Variants in APOO observed in about 807,000 individuals in gnomAD.
APOO encodes MICOS complex subunit MIC26.
APOO carries 11 observed loss-of-function variants against 23.1 expected under a neutral mutation model. The observed-to-expected ratio is 0.48, with a 90% CI of 0.30 to 0.79. APOO has a LOEUF of 0.79. Among genes scored for constraint, APOO ranks in the 30% least tolerant of loss-of-function variants. APOO has a pLI of 0.07. For synonymous variants in APOO, 59 were observed against 54.8 expected, an observed-to-expected ratio of 1.08 and a Z score of -0.34; for missense variants, 160 against 142.7, an observed-to-expected ratio of 1.12 and a Z score of -0.62.
intron 7 of APOO, among the ~76,000 whole-genome samples, chrX:23,854,278 A>G (rs1022626274): frequency 1.2e-4 from 13 of 111,880 alleles, no homozygotes; most frequent in Non-Finnish European, 3.8e-5. Flanking sequence ...AGGCTCCCGC[A>G]GCCCTCACTT....
At position 23,879,038 on chromosome X, in the gene APOO, C is replaced by T. The variant is rs752197773; in HGVS notation, c.118-4G>A. On this transcript the variant is annotated splice_polypyrimidine_tract_variant and splice_region_variant and intron_variant, in intron 2 of 8. Transcript: ENST00000379226. ...CAGGAACTGAGTAGAGTGAAAGCTG[C>T]GCACATTAAAACAAAACAAAGATTT... is the stretch of plus-strand genomic sequence containing the variant. 63 of 1,204,323 alleles carry T rather than the reference C, an allele frequency of 5.2e-5. No individual in the cohort carries two copies. Among genetic ancestry groups the T allele is most frequent in the Non-Finnish European group, 6.5e-5 (58 of 891,088 alleles).
intron 5 of APOO, among the ~76,000 whole-genome samples, chrX:23,861,123 A>G (rs1339680265): frequency 9.0e-6 from 1 of 110,690 alleles, no homozygotes; most frequent in East Asian, 2.9e-4. Context: ...CTGGGTGATA[A>G]TTTGGATGTT....
intron 4 of APOO, among the ~76,000 whole-genome samples, chrX:23,873,723 A>T (rs1281563459): frequency 8.9e-6 from 1 of 112,005 alleles, no homozygotes; most frequent in African/African-American, 3.2e-5. Context: ...TGATCTTACC[A>T]AAGAAACTGT....
intron 7 of APOO, among the ~76,000 whole-genome samples, chrX:23,845,179 T>C (rs1924174477): frequency 1.8e-5 from 2 of 112,057 alleles, no homozygotes; most frequent in African/African-American, 6.5e-5. Context: ...TTATTCAGGA[T>C]TTCTAACTTT....
chrX:23,842,747 G>T (rs747235219), intron 7 of APOO, among the ~76,000 whole-genome samples: 1 of 111,971 alleles, frequency 8.9e-6, no homozygotes, highest in African/African-American at 3.2e-5. Context: ...GGTGGCTCAC[G>T]CCTGTAATCC....
At chrX:23,881,563 T>TAAAAAAA (rs60466764) in intron 1 of APOO, among the ~76,000 whole-genome samples, 5 of 9,176 alleles carry the variant, frequency 5.4e-4, no homozygotes, top group Non-Finnish European at 6.2e-4. Flanking sequence ...ATCGCTCCAC[T>TAAAAAAA]AAAAAAAAAA....
intron 1 of APOO, among the ~76,000 whole-genome samples, chrX:23,902,224 A>G (rs1437910984): frequency 1.8e-5 from 2 of 111,817 alleles, no homozygotes; most frequent in Admixed American, 9.6e-5. Context: ...TCGTTAACGG[A>G]CCTTTAATGT....
chrX:23,881,383 A>AT (rs1926117755), intron 1 of APOO, among the ~76,000 whole-genome samples: 1 of 107,371 alleles, frequency 9.3e-6, no homozygotes, highest in Non-Finnish European at 1.9e-5. Context: ...CCTACAAAAT[A>AT]TATTTTTTTA....
chrX:23,873,699 T>TCAATA (rs1283407457), intron 4 of APOO, among the ~76,000 whole-genome samples: 1 of 111,596 alleles, frequency 9.0e-6, no homozygotes, highest in Non-Finnish European at 1.9e-5. Flanking sequence ...TATCAGGACA[T>TCAATA]CAATACACCA....
intron 7 of APOO, 89 bp from the exon 8 acceptor site, chrX:23,840,466 A>G: frequency 1.2e-6 from 1 of 812,020 alleles, no homozygotes. Flanking sequence ...GAACATGAAC[A>G]TTAAAAATTA....
intron 1 of APOO, among the ~76,000 whole-genome samples, chrX:23,888,849 C>CAAAAA (rs11338273): frequency 4.8e-5 from 2 of 41,261 alleles, no homozygotes; most frequent in African/African-American, 9.7e-5. Context: ...GATTTCATCT[C>CAAAAA]AAAAAAAAAA....
At chrX:23,892,635 G>A (rs1003801749) in intron 1 of APOO, among the ~76,000 whole-genome samples, 4 of 108,060 alleles carry the variant, frequency 3.7e-5, no homozygotes, top group African/African-American at 1.3e-4. Context: ...GGGCATGGTG[G>A]CGGGCGCCTG....
intron 1 of APOO, among the ~76,000 whole-genome samples, chrX:23,901,118 A>T (rs959188949): frequency 8.9e-6 from 1 of 112,307 alleles, no homozygotes; most frequent in African/African-American, 3.2e-5. Flanking sequence ...TTTCAGGAAG[A>T]CAGGCAATGT....
chrX:23,888,638 G>C (rs1601933590), intron 1 of APOO, among the ~76,000 whole-genome samples: 1 of 110,579 alleles, frequency 9.0e-6, no homozygotes, highest in African/African-American at 3.3e-5. Flanking sequence ...GGATCACAAG[G>C]TCAGGAGTTC....
At chrX:23,892,585 A>G (rs1484725959) in intron 1 of APOO, among the ~76,000 whole-genome samples, 1 of 108,934 alleles carries the variant, frequency 9.2e-6, no homozygotes. Context: ...CTAGAAACAC[A>G]GTGAAACCCC....
At chrX:23,872,582 C>T (rs112573027) in intron 4 of APOO, among the ~76,000 whole-genome samples, 8 of 101,469 alleles carry the variant, frequency 7.9e-5, no homozygotes, top group Admixed American at 7.7e-4. Flanking sequence ...TATATATTTA[C>T]GGGGTAAATG....
Position 23,840,597 on chromosome X carries a change from C to T in APOO, c.562-220G>A, listed in dbSNP as rs142410459. On this transcript the variant is annotated intron_variant, in intron 7 of 8. Transcript: ENST00000379226. ...CCGACCATTAAATATTATTTTACTGCAAAGTGATCCATCTGTCAGTAAATT... is the reference window on the plus strand; with the variant it reads ...CCGACCATTAAATATTATTTTACTGTAAAGTGATCCATCTGTCAGTAAATT... 8.0e-4 allele frequency: 229 copies of T among 286,699 alleles called. 2 individuals carry two copies. The East Asian group carries it at 0.013, about 16-fold the overall frequency. 23.6% of individuals were successfully genotyped at this position (286,699 alleles called of 1,213,427 possible).
chrX:23,872,262 T>C (rs7060249), intron 4 of APOO, among the ~76,000 whole-genome samples: 1,649 of 110,981 alleles, frequency 0.015, 29 homozygotes, highest in African/African-American at 0.05. Context: ...AAAAATGTGA[T>C]GGCACATGCC....
intron 7 of APOO, among the ~76,000 whole-genome samples, chrX:23,853,907 T>G (rs1474162619): frequency 9.0e-6 from 1 of 111,208 alleles, no homozygotes; most frequent in Non-Finnish European, 1.9e-5. Context: ...AGTGCTGGGA[T>G]TTCAGGCATG....
Sources: gnomAD v4.1 joint callset for allele counts (sites outside exome capture counted in the v4.1 genomes callset) on GRCh38, gnomAD v4.1.1 for gene constraint, MANE v1.5 for transcripts, NCBI Gene and HGNC (gene_info 2026-07-23, HGNC 2026-07-21) for gene names.